The following CALN1 variants were observed in gnomAD, a reference collection of about 807,000 sequenced individuals.
The protein encoded by CALN1 is calneuron 1, also known as calcium-binding protein 8.
CALN1 carries 17 observed loss-of-function variants against 30.6 expected under a neutral mutation model. That is an observed-to-expected ratio of 0.56 (90% CI 0.38 to 0.83). The LOEUF is 0.83. Among genes scored for constraint, CALN1 ranks in the 40% least tolerant of loss-of-function variants. The pLI, the probability that CALN1 is intolerant of heterozygous loss-of-function variation, is 0.00. For synonymous variants in CALN1, 156 were observed against 131.4 expected, an observed-to-expected ratio of 1.19 and a Z score of -1.28; for missense variants, 291 against 354.9, an observed-to-expected ratio of 0.82 and a Z score of 1.45.
chr7:71,948,771 G>A (rs906132652), intron 5 of CALN1, among the ~76,000 whole-genome samples: 2 of 150,344 alleles, frequency 1.3e-5, no homozygotes, highest in African/African-American at 4.9e-5. Flanking sequence ...GCCAGGTGCA[G>A]TGGCTCATGC....
chr7:71,873,780 A>G (rs1471724209), intron 5 of CALN1, among the ~76,000 whole-genome samples: 1 of 152,214 alleles, frequency 6.6e-6, no homozygotes, highest in African/African-American at 2.4e-5. Context: ...TGAAGACTTG[A>G]CACTACCTTG....
At chr7:72,160,191 C>CA (rs1787999084) in intron 3 of CALN1, among the ~76,000 whole-genome samples, 1 of 152,122 alleles carries the variant, frequency 6.6e-6, no homozygotes, top group Admixed American at 6.5e-5. Flanking sequence ...TAAAATATGA[C>CA]TCCCTGATGA....
chr7:71,977,103 A>T (rs562295718), intron 5 of CALN1, among the ~76,000 whole-genome samples: 117 of 152,286 alleles, frequency 7.7e-4, no homozygotes, highest in African/African-American at 2.5e-3. Context: ...TTTCTTTTCT[A>T]AAAAACCTGA....
chr7:72,325,619 A>T (rs1261628628), intron 2 of CALN1, among the ~76,000 whole-genome samples: 9 of 152,164 alleles, frequency 5.9e-5, no homozygotes, highest in Non-Finnish European at 8.8e-5. Context: ...AATAAATAAA[A>T]CAAGAGTGAA....
chr7:72,328,837 A>C (rs756769951), intron 2 of CALN1, among the ~76,000 whole-genome samples: 26 of 152,188 alleles, frequency 1.7e-4, no homozygotes, highest in Non-Finnish European at 3.1e-4. Context: ...CTGGGATTAC[A>C]GGCACCCACC....
intron 3 of CALN1, among the ~76,000 whole-genome samples, chr7:72,181,965 T>C (rs1304658188): frequency 6.6e-6 from 1 of 152,224 alleles, no homozygotes; most frequent in Non-Finnish European, 1.5e-5. Context: ...TCAGTGATTA[T>C]GGGATTACAG....
At chr7:71,952,890 T>A (rs148197493) in intron 5 of CALN1, among the ~76,000 whole-genome samples, 239 of 152,290 alleles carry the variant, frequency 1.6e-3, no homozygotes, top group Non-Finnish European at 2.9e-3. Context: ...ATTCCTCTAA[T>A]AGGAGAAAGT....
intron 5 of CALN1, among the ~76,000 whole-genome samples, chr7:72,013,894 T>C (rs1184281770): frequency 1.3e-5 from 2 of 152,250 alleles, no homozygotes; most frequent in South Asian, 2.1e-4. Context: ...GGTAGATTAC[T>C]AAATGTAGAA....
At chr7:72,050,508 C>G (rs1193044013) in intron 4 of CALN1, among the ~76,000 whole-genome samples, 1 of 152,000 alleles carries the variant, frequency 6.6e-6, no homozygotes, top group Non-Finnish European at 1.5e-5. Context: ...CCCAAAGAAA[C>G]TAGGATTTAA....
At chr7:72,494,711 A>T in the CALN1 span, among the ~76,000 whole-genome samples, 1 of 151,506 alleles carries the variant, frequency 6.6e-6, no homozygotes, top group Admixed American at 6.6e-5. Flanking sequence ...AAAAAAAATT[A>T]TTTTAATTAC....
chr7:72,497,430 A>G, the CALN1 span, among the ~76,000 whole-genome samples: 2 of 152,112 alleles, frequency 1.3e-5, no homozygotes, highest in African/African-American at 4.8e-5. Context: ...ACAGAGTGAG[A>G]CCCCATCTCA....
chr7:72,225,888 GA>G (rs925852517), intron 3 of CALN1, among the ~76,000 whole-genome samples: 9 of 152,168 alleles, frequency 5.9e-5, no homozygotes, highest in African/African-American at 2.2e-4. Flanking sequence ...ATGAGGTCAA[GA>G]GATCAAAACC....
chr7:72,255,090 CTTTCT>C (rs113597863), intron 3 of CALN1, among the ~76,000 whole-genome samples: 2 of 151,180 alleles, frequency 1.3e-5, no homozygotes, highest in African/African-American at 4.9e-5. Context: ...CATGCCCGGC[CTTTCT>C]TTTCTTTTGA....
chr7:72,395,586 C>G (rs1585652842), intron 2 of CALN1, among the ~76,000 whole-genome samples: 4 of 152,276 alleles, frequency 2.6e-5, no homozygotes, highest in Admixed American at 2.6e-4. Flanking sequence ...GAGGATCATT[C>G]ATCTGTAACA....
At chr7:72,362,016 C>G (rs940769130) in intron 2 of CALN1, among the ~76,000 whole-genome samples, 1 of 152,048 alleles carries the variant, frequency 6.6e-6, no homozygotes, top group African/African-American at 2.4e-5. Context: ...AGGATAAAAA[C>G]AGGAGAGAAA....
rs1010635078 is a variant in CALN1, at chr7:71,978,262, C to CTTTTTTTTTTTTTTT, written c.501+45380_501+45394dup. Among the ~76,000 whole-genome samples the CTTTTTTTTTTTTTTT allele has an allele frequency of 9.2e-4, 67 of 72,930 alleles. 9 individuals are homozygous for CTTTTTTTTTTTTTTT. The highest frequency in any genetic ancestry group is 3.7e-3 in the African/African-American group (65 of 17,634). The allele number at this position is 72,930 out of a possible 152,430, so 47.8% of individuals were successfully genotyped here. A position where few individuals can be genotyped will look rare whatever the true frequency, so the allele number is the denominator to read the frequency against. ...AAAAACTCAGGGACTCTAGAGAATT[C>CTTTTTTTTTTTTTTT]TTTTTTTTTTTTTTTTTTTTTTTTT... On this transcript the variant is annotated intron_variant, in intron 5 of 6. Coordinates refer to ENST00000395275, the MANE Select transcript of CALN1 (RefSeq NM_031468.4).
intron 2 of CALN1, among the ~76,000 whole-genome samples, chr7:72,285,315 G>C (rs1440295267): frequency 2.0e-5 from 3 of 152,148 alleles, no homozygotes; most frequent in Admixed American, 2.0e-4. Context: ...CACGATCTCA[G>C]CCACTGCAAG....
chr7:72,245,150 G>T (rs1795077034), intron 3 of CALN1, among the ~76,000 whole-genome samples: 1 of 152,250 alleles, frequency 6.6e-6, no homozygotes. Context: ...TGCTATGTAG[G>T]GTTTTCCCTC....
chr7:71,989,133 T>C (rs1439616912), intron 5 of CALN1, among the ~76,000 whole-genome samples: 3 of 152,104 alleles, frequency 2.0e-5, no homozygotes, highest in Non-Finnish European at 4.4e-5. Flanking sequence ...GTGCCAACTG[T>C]GAACTATAGA....
Sources: allele counts gnomAD v4.1 joint callset (sites outside exome capture counted in the v4.1 genomes callset), GRCh38; gene constraint gnomAD v4.1.1; transcripts MANE v1.5; gene names NCBI Gene and HGNC (gene_info 2026-07-23, HGNC 2026-07-21).